The following SEMA6D variants were observed in gnomAD, a reference collection of about 807,000 sequenced individuals.
SEMA6D encodes semaphorin-6D.
SEMA6D carries 35 observed loss-of-function variants against 106.6 expected under a neutral mutation model. The ratio of observed to expected loss-of-function variants is 0.33; its 90% CI spans 0.25 to 0.44. The LOEUF (loss-of-function observed/expected upper bound fraction) is 0.44. SEMA6D is among the 20% of genes least tolerant of loss of function. SEMA6D has a pLI of 1.00. For synonymous variants in SEMA6D, 499 were observed against 487.7 expected (o/e 1.02, Z -0.31); for missense variants, 1,185 against 1,345.9 (o/e 0.88, Z 1.87).
intron 3 of SEMA6D, among the ~76,000 whole-genome samples, chr15:47,572,755 T>C (rs1475215623): frequency 6.6e-6 from 1 of 152,186 alleles, no homozygotes; most frequent in Non-Finnish European, 1.5e-5. Flanking sequence ...CTTAACCTAT[T>C]CAGAGCTCTG....
At chr15:47,232,059 C>G (rs926587540) in intron 1 of SEMA6D, among the ~76,000 whole-genome samples, 1 of 151,908 alleles carries the variant, frequency 6.6e-6, no homozygotes, top group Non-Finnish European at 1.5e-5. Flanking sequence ...TAGTGTCTCT[C>G]CAGAGTTTCC....
chr15:47,655,806 G>T (rs1432230091), intron 4 of SEMA6D, among the ~76,000 whole-genome samples: 1 of 152,184 alleles, frequency 6.6e-6, no homozygotes, highest in African/African-American at 2.4e-5. Context: ...TCAGTAGTTG[G>T]GAATTCACCT....
chr15:47,627,405 G>T (rs950645807), intron 4 of SEMA6D, among the ~76,000 whole-genome samples: 1 of 152,024 alleles, frequency 6.6e-6, no homozygotes, highest in Non-Finnish European at 1.5e-5. Flanking sequence ...TTTTAGTTTG[G>T]CCAAGGTTAA....
At chr15:47,510,386 C>T (rs1243395383) in intron 3 of SEMA6D, among the ~76,000 whole-genome samples, 1 of 152,150 alleles carries the variant, frequency 6.6e-6, no homozygotes, top group African/African-American at 2.4e-5. Context: ...GAACTAGTAC[C>T]TGGTGCCAAA....
chr15:47,399,921 C>T (rs2040341664), intron 1 of SEMA6D, among the ~76,000 whole-genome samples: 2 of 152,152 alleles, frequency 1.3e-5, no homozygotes, highest in Admixed American at 6.5e-5. Context: ...TGAGTAAACA[C>T]AGGAACACAC....
chr15:47,233,666 T>G (rs1461047184), intron 1 of SEMA6D, among the ~76,000 whole-genome samples: 6 of 152,080 alleles, frequency 3.9e-5, no homozygotes, highest in Non-Finnish European at 7.4e-5. Flanking sequence ...TATTTTATTC[T>G]TTTTGATACT....
intron 2 of SEMA6D, among the ~76,000 whole-genome samples, chr15:47,469,511 A>G (rs534385205): frequency 1.3e-5 from 2 of 152,284 alleles, no homozygotes; most frequent in South Asian, 2.1e-4. Flanking sequence ...ACAACTCCAG[A>G]TATTAGAATT....
chr15:47,663,195 C>T (rs2077962017), intron 4 of SEMA6D, among the ~76,000 whole-genome samples: 1 of 152,150 alleles, frequency 6.6e-6, no homozygotes, highest in South Asian at 2.1e-4. Flanking sequence ...ATTCAGTGGG[C>T]AGTGGGAGTC....
At chr15:47,683,395 CT>C (rs2145625598) in intron 4 of SEMA6D, among the ~76,000 whole-genome samples, 1 of 152,232 alleles carries the variant, frequency 6.6e-6, no homozygotes, top group Non-Finnish European at 1.5e-5. Flanking sequence ...GGATTTCATT[CT>C]TTTTTATGTC....
At chr15:47,543,031 C>A (rs1238244229) in intron 3 of SEMA6D, among the ~76,000 whole-genome samples, 1 of 152,126 alleles carries the variant, frequency 6.6e-6, no homozygotes, top group Admixed American at 6.6e-5. Flanking sequence ...CTGTTTAGAC[C>A]TTTATCATGC....
intron 1 of SEMA6D, among the ~76,000 whole-genome samples, chr15:47,294,896 C>T (rs1334636105): frequency 7.7e-6 from 1 of 130,650 alleles, no homozygotes; most frequent in East Asian, 2.0e-4. Flanking sequence ...AGTGTTCATT[C>T]TCTTTTTCTC....
In SEMA6D at chr15:47,612,047, A is replaced by G. The variant is rs565184966; in HGVS notation, c.-55+11151A>G. On this transcript the variant is annotated intron_variant, in intron 4 of 19. Transcript: ENST00000558014. ...TGCTCCTTGGCTTTATCCTGAGTTT[A>G]GAAAATCATGTCTATAAAGTGGAAT... Among the ~76,000 whole-genome samples the G allele has an allele frequency of 4.6e-5, 7 of 152,318 alleles. No individual in the cohort carries two copies. In the East Asian group the frequency reaches 1.3e-3, roughly 29 times the overall value.
At chr15:47,360,071 A>G (rs1452481088) in intron 1 of SEMA6D, 1 of 152,138 alleles carries the variant, frequency 6.6e-6, no homozygotes, top group Non-Finnish European at 1.5e-5. Flanking sequence ...ACACAAGGAC[A>G]TAAATTTTCC....
intron 1 of SEMA6D, among the ~76,000 whole-genome samples, chr15:47,303,257 A>G (rs1356709216): frequency 1.3e-5 from 2 of 152,238 alleles, no homozygotes; most frequent in Non-Finnish European, 2.9e-5. Context: ...ATTTCTTGAC[A>G]AAACAATCTG....
intron 2 of SEMA6D, among the ~76,000 whole-genome samples, chr15:47,435,106 T>A (rs2041659133): frequency 6.6e-6 from 1 of 152,162 alleles, no homozygotes; most frequent in Admixed American, 6.6e-5. Flanking sequence ...TCAGTTTCTT[T>A]TTATACTATA....
At chr15:47,200,093 G>A (rs189735989) in intron 1 of SEMA6D, among the ~76,000 whole-genome samples, 6 of 152,142 alleles carry the variant, frequency 3.9e-5, no homozygotes, top group Middle Eastern at 6.8e-3. Context: ...ATATCACTAC[G>A]TTCTGCTCAA....
chr15:47,674,330 C>T (rs1379132364), intron 4 of SEMA6D, among the ~76,000 whole-genome samples: 3 of 152,174 alleles, frequency 2.0e-5, no homozygotes, highest in East Asian at 3.9e-4. Flanking sequence ...AAAGACGTAG[C>T]TTGTGGGAAA....
At chr15:47,295,034 A>G (rs893770997) in intron 1 of SEMA6D, among the ~76,000 whole-genome samples, 11 of 152,218 alleles carry the variant, frequency 7.2e-5, no homozygotes, top group African/African-American at 2.7e-4. Context: ...TTAACAGAGT[A>G]GGGAGAGCCA....
chr15:47,552,229 A>G (rs2045716982), intron 3 of SEMA6D, among the ~76,000 whole-genome samples: 1 of 152,112 alleles, frequency 6.6e-6, no homozygotes, highest in African/African-American at 2.4e-5. Context: ...AAAATGTGCA[A>G]TATAAAATAC....
Sources: allele counts gnomAD v4.1 joint callset (sites outside exome capture counted in the v4.1 genomes callset), GRCh38; gene constraint gnomAD v4.1.1; transcripts MANE v1.5; gene names NCBI Gene and HGNC (gene_info 2026-07-23, HGNC 2026-07-21).